Variants in LAMB1 observed in about 807,000 individuals in gnomAD.
LAMB1 encodes laminin subunit beta-1.
LAMB1 carries 121 observed loss-of-function variants against 222.3 expected under a neutral mutation model. The ratio of observed to expected loss-of-function variants is 0.54; its 90% CI spans 0.47 to 0.63. The LOEUF is 0.63. LAMB1 is among the 30% of genes least tolerant of loss of function. The pLI, the probability that LAMB1 is intolerant of heterozygous loss-of-function variation, is 0.00. For missense variants in LAMB1, 2,172 were observed against 2,240.8 expected (o/e 0.97, Z 0.62); for synonymous variants, 794 against 807.2 (o/e 0.98, Z 0.28).
Position 107,923,835 on chromosome 7 carries a change from C to T in LAMB1, c.*116G>A. 1 of 995,490 alleles carries T rather than the reference C, an allele frequency of 1.0e-6. No homozygotes were observed. The highest frequency in any genetic ancestry group is 1.5e-6 in the Non-Finnish European group (1 of 683,394). 61.7% of individuals were successfully genotyped at this position (995,490 alleles called of 1,614,324 possible). ...GCACTGTACTTTATTTAACTCCATA[C>T]AAAATGTGATTAAAAACATTAAATA... On this transcript the variant is annotated 3_prime_UTR_variant, in exon 34 of 34. Coordinates refer to ENST00000222399, the MANE Select transcript of LAMB1 (RefSeq NM_002291.3).
Position 108,001,719 on chromosome 7 carries a change from G to A in LAMB1, c.52C>T (p.Arg18Ter). 1.9e-6 allele frequency: 3 copies of A among 1,612,846 alleles called. No individual in the cohort carries two copies. Among genetic ancestry groups the A allele is most frequent in the Non-Finnish European group, 2.5e-6 (3 of 1,179,870 alleles). The change falls in exon 3 of 34, where the codon CGA becomes TGA. Residue 18 changes from arginine to a stop codon, truncating the protein, a stop_gained. Coordinates refer to ENST00000222399, the MANE Select transcript of LAMB1 (RefSeq NM_002291.3). LOFTEE classifies it high-confidence loss of function. ...AACTCGGGTTCCTGAGCGCGCACTC[G>A]GGCTCTGCACAGGGCTGCGGGAAGG... ...AFSFLALCRA[R>*]VRAQEPEFSY...
chr7:107,932,722 G>A (rs2032743685), intron 27 of LAMB1: 1 of 278,550 alleles, frequency 3.6e-6, no homozygotes, highest in East Asian at 7.2e-5. Context: ...TTTCTAACCA[G>A]TTAGAGTTTA....
At chr7:107,988,066 T>C (rs984632417) in intron 5 of LAMB1, among the ~76,000 whole-genome samples, 2 of 152,162 alleles carry the variant, frequency 1.3e-5, no homozygotes, top group African/African-American at 4.8e-5. Flanking sequence ...AAGATGACGG[T>C]TTTAACCTGA....
intron 24 of LAMB1, among the ~76,000 whole-genome samples, chr7:107,945,930 A>G (rs1339775256): frequency 5.9e-5 from 9 of 152,128 alleles, no homozygotes; most frequent in East Asian, 1.9e-4. Context: ...ACTTTCTGCT[A>G]TCTTGTTACT....
chr7:107,963,529 G>A (rs1221731298), intron 14 of LAMB1, among the ~76,000 whole-genome samples: 3 of 152,202 alleles, frequency 2.0e-5, no homozygotes, highest in Non-Finnish European at 4.4e-5. Context: ...CAACTGATGA[G>A]TTAATTCTGA....
chr7:107,989,325 T>G (rs1185894700), intron 5 of LAMB1, among the ~76,000 whole-genome samples: 1 of 152,222 alleles, frequency 6.6e-6, no homozygotes, highest in Non-Finnish European at 1.5e-5. Flanking sequence ...AAATTTCAGC[T>G]GACCTAGAAA....
chr7:107,990,116 G>A (rs563880611), intron 5 of LAMB1, among the ~76,000 whole-genome samples: 2 of 151,948 alleles, frequency 1.3e-5, no homozygotes, highest in East Asian at 3.9e-4. Context: ...ATAGTTCACT[G>A]CAGCCTTGAC....
intron 32 of LAMB1, among the ~76,000 whole-genome samples, chr7:107,924,818 TAAAC>T (rs972979915): frequency 2.6e-4 from 39 of 152,192 alleles, no homozygotes; most frequent in African/African-American, 8.7e-4. Flanking sequence ...GGAAAAAGAT[TAAAC>T]AAAAGATACA....
chr7:107,930,947 T>C (rs2032694603), intron 29 of LAMB1, among the ~76,000 whole-genome samples: 1 of 152,188 alleles, frequency 6.6e-6, no homozygotes, highest in Non-Finnish European at 1.5e-5. Flanking sequence ...CTGGTAACAC[T>C]TGAACTGTGA....
chr7:107,932,655 A>G (rs2032742210), intron 27 of LAMB1: 5 of 461,746 alleles, frequency 1.1e-5, no homozygotes, highest in Non-Finnish European at 2.0e-5. Flanking sequence ...GGATGCAAAC[A>G]TCTGCTATAT....
intron 15 of LAMB1, 149 bp downstream of exon 15, chr7:107,962,756 C>A: frequency 2.1e-4 from 75 of 363,028 alleles, no homozygotes; most frequent in Non-Finnish European, 3.2e-4. Context: ...TTTATTTTAA[C>A]TTCCATGGAG....
intron 14 of LAMB1, 110 bp downstream of exon 14, chr7:107,964,438 GCTCA>G (rs1291207067): frequency 1.1e-5 from 13 of 1,205,930 alleles, no homozygotes; most frequent in Middle Eastern, 2.0e-4. Flanking sequence ...CTTATTTTGT[GCTCA>G]CTGACAAAGC....
intron 25 of LAMB1, 26 bp from the exon 26 acceptor site, chr7:107,937,303 T>TA (rs773559927): frequency 6.3e-7 from 1 of 1,586,652 alleles, no homozygotes; most frequent in African/African-American, 1.3e-5. Flanking sequence ...TAAGCTTACT[T>TA]ACATAAAATA....
At chr7:107,993,724 A>G (rs988880256) in intron 5 of LAMB1, among the ~76,000 whole-genome samples, 3 of 152,220 alleles carry the variant, frequency 2.0e-5, no homozygotes, top group African/African-American at 7.2e-5. Flanking sequence ...GCCGATGAGC[A>G]TCAGTTTAAT....
In LAMB1 at chr7:108,001,572, C is replaced by G. The variant is rs905025210; in HGVS notation, c.199G>C (p.Val67Leu). ...TCAGCCCTCACCTGCAAGTGGCTGACGATACAGTAGGGTTCGGGCTTGTGC... is the reference window on the plus strand; with the variant it reads ...TCAGCCCTCACCTGCAAGTGGCTGAGGATACAGTAGGGTTCGGGCTTGTGC... ...GLHKPEPYCI[V>L]SHLQEDKKCF... is the part of the protein sequence containing the mutation. Residue 67 changes from valine to leucine, a missense_variant, in exon 3 of 34, where the codon GTC (valine) becomes CTC (leucine). Physicochemically the swap from Val to Leu is conservative, Grantham distance 32. Transcript: ENST00000222399. 5 of 1,600,320 alleles carry G rather than the reference C, an allele frequency of 3.1e-6. No homozygotes were observed. In the African/African-American group the frequency reaches 4.0e-5, roughly 13 times the overall value.
At chr7:107,995,527 C>G (rs969012640) in intron 4 of LAMB1, among the ~76,000 whole-genome samples, 6 of 152,212 alleles carry the variant, frequency 3.9e-5, no homozygotes, top group African/African-American at 1.4e-4. Context: ...TGCATTTCCA[C>G]AATGAAAAAC....
At chr7:107,934,988 A>G (rs1421129783) in intron 27 of LAMB1, among the ~76,000 whole-genome samples, 6 of 151,198 alleles carry the variant, frequency 4.0e-5, no homozygotes, top group African/African-American at 1.5e-4. Context: ...CTGAGGTGAG[A>G]GGAGGATTGC....
chr7:107,966,102 T>C lies in LAMB1; in HGVS notation c.1563-1415A>G, dbSNP rs138867674. 4.2e-3 allele frequency among the ~76,000 whole-genome samples: 629 copies of C among 150,412 alleles called. 1 individual carries two copies. Among genetic ancestry groups the C allele is most frequent in the African/African-American group, 0.015 (600 of 41,072 alleles). On this transcript the variant is annotated intron_variant, in intron 13 of 33. Transcript: ENST00000222399. ...GACAGAGTGAGACTTCATCTCAAAA[T>C]AAATAAATAAATAAATAAAATCCTA...
chr7:107,988,606 G>C (rs2034125511), intron 5 of LAMB1, among the ~76,000 whole-genome samples: 1 of 152,138 alleles, frequency 6.6e-6, no homozygotes, highest in Non-Finnish European at 1.5e-5. Context: ...TTGTGTGTCT[G>C]CAAGTTTCAT....
Sources: gnomAD v4.1 joint callset for allele counts (sites outside exome capture counted in the v4.1 genomes callset) on GRCh38, gnomAD v4.1.1 for gene constraint, MANE v1.5 for transcripts, NCBI Gene and HGNC (gene_info 2026-07-23, HGNC 2026-07-21) for gene names.